Variants in LARGE1 observed in about 807,000 individuals in gnomAD.
LARGE1 encodes the protein xylosyl- and glucuronyltransferase LARGE1.
Under a neutral mutation model 87.6 loss-of-function variants are expected in LARGE1, and 43 were observed. The observed-to-expected ratio is 0.49, with a 90% CI of 0.38 to 0.63. The LOEUF is 0.63. LARGE1 is among the 30% of genes least tolerant of loss of function. LARGE1 has a pLI of 0.00. For synonymous variants in LARGE1, 434 were observed against 394.6 expected, an observed-to-expected ratio of 1.10 and a Z score of -1.18; for missense variants, 802 against 1,000.2, an observed-to-expected ratio of 0.80 and a Z score of 2.67.
intron 6 of LARGE1, among the ~76,000 whole-genome samples, chr22:33,519,998 C>CTTTTT (rs397868082): frequency 2.1e-5 from 2 of 97,252 alleles, no homozygotes; most frequent in African/African-American, 8.5e-5. Flanking sequence ...TGGTTTTTCT[C>CTTTTT]TTTTTTTTTT....
At chr22:33,304,068 G>A (rs987287091) in intron 12 of LARGE1, among the ~76,000 whole-genome samples, 161 bp downstream of exon 12, 1 of 152,216 alleles carries the variant, frequency 6.6e-6, no homozygotes, top group African/African-American at 2.4e-5. Flanking sequence ...TCTATTGCTG[G>A]GTGGCTGTGG....
intron 6 of LARGE1, among the ~76,000 whole-genome samples, chr22:33,447,982 A>C (rs1445958531): frequency 6.6e-6 from 1 of 152,128 alleles, no homozygotes; most frequent in African/African-American, 2.4e-5. Flanking sequence ...CCAGACACAA[A>C]ATGTCACATA....
At chr22:33,325,310 T>C (rs896551822) in intron 10 of LARGE1, among the ~76,000 whole-genome samples, 1 of 152,250 alleles carries the variant, frequency 6.6e-6, no homozygotes, top group Admixed American at 6.5e-5. Context: ...TCCTTGCAGT[T>C]AAGAATAACT....
chr22:33,506,365 G>A (rs547844335), intron 6 of LARGE1, among the ~76,000 whole-genome samples: 8 of 152,200 alleles, frequency 5.3e-5, no homozygotes, highest in South Asian at 2.1e-4. Context: ...ACAGATGAGC[G>A]CCCCCAGAGC....
intron 7 of LARGE1, among the ~76,000 whole-genome samples, chr22:33,426,636 T>G (rs1388037417): frequency 2.0e-5 from 3 of 152,208 alleles, no homozygotes; most frequent in Non-Finnish European, 2.9e-5. Flanking sequence ...TTTTCCATGG[T>G]ATCTGACTGT....
intron 2 of LARGE1, among the ~76,000 whole-genome samples, chr22:33,684,466 C>A (rs995518200): frequency 2.0e-5 from 3 of 151,938 alleles, no homozygotes; most frequent in African/African-American, 7.3e-5. Context: ...ATAGAAGTCA[C>A]CCTGAGAACC....
intron 6 of LARGE1, among the ~76,000 whole-genome samples, chr22:33,529,457 A>G (rs2148560925): frequency 6.6e-6 from 1 of 152,378 alleles, no homozygotes; most frequent in East Asian, 1.9e-4. Flanking sequence ...GCAAAAAATG[A>G]TAGCAGACAA....
At chr22:33,376,018 A>T (rs760595943) in intron 9 of LARGE1, among the ~76,000 whole-genome samples, 3 of 152,212 alleles carry the variant, frequency 2.0e-5, no homozygotes, top group African/African-American at 7.2e-5. Flanking sequence ...GTCTTACTCT[A>T]TTTTTGGAAA....
At chr22:33,909,492 A>C (rs1334912624) in intron 1 of LARGE1, among the ~76,000 whole-genome samples, 2 of 150,426 alleles carry the variant, frequency 1.3e-5, no homozygotes, top group Non-Finnish European at 3.0e-5. Context: ...CCCAAAGCCC[A>C]CAGCCCCTAA....
chr22:33,396,311 C>T (rs1160465960), intron 7 of LARGE1, among the ~76,000 whole-genome samples: 1 of 152,170 alleles, frequency 6.6e-6, no homozygotes, highest in African/African-American at 2.4e-5. Flanking sequence ...TATTAAAAAC[C>T]ACTTAATTTA....
intron 5 of LARGE1, among the ~76,000 whole-genome samples, chr22:33,577,380 T>C (rs1050053389): frequency 6.6e-6 from 1 of 152,150 alleles, no homozygotes; most frequent in African/African-American, 2.4e-5. Context: ...CGCATACACA[T>C]CTCAAAAACC....
At chr22:33,599,469 C>T (rs960027845) in intron 5 of LARGE1, among the ~76,000 whole-genome samples, 1 of 151,998 alleles carries the variant, frequency 6.6e-6, no homozygotes, top group African/African-American at 2.4e-5. Context: ...AGTTGGAGGC[C>T]GGAAACAAAT....
chr22:33,188,486 T>C lies in LARGE1; in HGVS notation c.1731-21654A>G, dbSNP rs1165141266. 2.0e-5 allele frequency among the ~76,000 whole-genome samples: 3 copies of C among 152,084 alleles called. No homozygotes were observed. In the East Asian group the frequency reaches 5.8e-4, roughly 29 times the overall value. ...CAACAATAGGCAGCCTCTTGTGGCA[T>C]CCAATAGAGGATGCATGACTCATAT... On this transcript the variant is annotated intron_variant, in intron 11 of 11. Transcript: ENST00000608642.
chr22:33,362,935 G>C (rs1214637717), intron 9 of LARGE1, among the ~76,000 whole-genome samples: 1 of 150,030 alleles, frequency 6.7e-6, no homozygotes, highest in Non-Finnish European at 1.5e-5. Context: ...GATGCATGAG[G>C]GTGGTTTATG....
At chr22:33,870,991 A>C (rs2064262189) in intron 1 of LARGE1, among the ~76,000 whole-genome samples, 1 of 152,226 alleles carries the variant, frequency 6.6e-6, no homozygotes. Context: ...GCTCTGACCC[A>C]CTATAACCAG....
At chr22:33,559,331 A>G (rs1190282472) in intron 6 of LARGE1, among the ~76,000 whole-genome samples, 1 of 152,132 alleles carries the variant, frequency 6.6e-6, no homozygotes, top group East Asian at 1.9e-4. Flanking sequence ...ACAGGCACAC[A>G]CCACCACGCC....
At chr22:33,892,017 C>T (rs1022389382) in intron 1 of LARGE1, among the ~76,000 whole-genome samples, 10 of 152,292 alleles carry the variant, frequency 6.6e-5, no homozygotes, top group East Asian at 3.9e-4. Context: ...TAAGACGTTT[C>T]GTACCTTCTC....
At chr22:33,596,836 A>G (rs1298484651) in intron 5 of LARGE1, among the ~76,000 whole-genome samples, 1 of 152,240 alleles carries the variant, frequency 6.6e-6, no homozygotes, top group Non-Finnish European at 1.5e-5. Flanking sequence ...ACAAGTTCTC[A>G]TTTAACTGCA....
chr22:33,480,008 G>A (rs923707323), intron 6 of LARGE1, among the ~76,000 whole-genome samples: 2 of 152,168 alleles, frequency 1.3e-5, no homozygotes, highest in Admixed American at 6.5e-5. Context: ...ACCTCCCAAA[G>A]TGCTGGGATT....
Sources: allele counts gnomAD v4.1 joint callset (sites outside exome capture counted in the v4.1 genomes callset), GRCh38; gene constraint gnomAD v4.1.1; transcripts MANE v1.5; gene names NCBI Gene and HGNC (gene_info 2026-07-23, HGNC 2026-07-21).